DOCK3: variants seen among roughly 807,000 people sequenced by gnomAD.
DOCK3 encodes the protein dedicator of cytokinesis protein 3.
A neutral mutation model predicts 265.6 loss-of-function variants in DOCK3; 60 were observed. The ratio of observed to expected loss-of-function variants is 0.23; its 90% CI spans 0.18 to 0.28. The LOEUF is 0.28. Among genes scored for constraint, DOCK3 ranks in the 10% least tolerant of loss-of-function variants. DOCK3 has a pLI of 1.00. For synonymous variants in DOCK3, 881 were observed against 938.0 expected (o/e 0.94, Z 1.11); for missense variants, 1,981 against 2,594.3 (o/e 0.76, Z 5.14).
At chr3:51,200,756 G>A (rs1267117774) in intron 12 of DOCK3, among the ~76,000 whole-genome samples, 2 of 151,920 alleles carry the variant, frequency 1.3e-5, no homozygotes, top group African/African-American at 4.8e-5. Flanking sequence ...AGGAAAAAAT[G>A]TTAAGGGCAG....
At chr3:51,135,305 A>G (rs1170161482) in intron 9 of DOCK3, among the ~76,000 whole-genome samples, 1 of 152,206 alleles carries the variant, frequency 6.6e-6, no homozygotes, top group Non-Finnish European at 1.5e-5. Context: ...AGACTGTGTC[A>G]TAGTTTGCCT....
chr3:50,826,285 C>T (rs1169845971), intron 2 of DOCK3, among the ~76,000 whole-genome samples: 1 of 151,878 alleles, frequency 6.6e-6, no homozygotes, highest in African/African-American at 2.4e-5. Context: ...CAGTTGTTTA[C>T]CATCTTTTTA....
chr3:50,725,506 T>G (rs1415960350), intron 1 of DOCK3, among the ~76,000 whole-genome samples: 1 of 152,192 alleles, frequency 6.6e-6, no homozygotes, highest in Non-Finnish European at 1.5e-5. Flanking sequence ...ATACAGTGAT[T>G]AAAGTGGCAA....
At chr3:51,097,449 C>T (rs2082902460) in intron 9 of DOCK3, among the ~76,000 whole-genome samples, 2 of 152,260 alleles carry the variant, frequency 1.3e-5, no homozygotes, top group South Asian at 2.1e-4. Context: ...GGTGGCTGGC[C>T]CTCCCCTTAC....
chr3:50,778,816 A>G, intron 2 of DOCK3, 58 bp downstream of exon 2: 3 of 1,211,258 alleles, frequency 2.5e-6, no homozygotes, highest in South Asian at 2.9e-5. Flanking sequence ...TATTATATAC[A>G]TTTATTTTGT....
At chr3:50,685,693 A>G in intron 1 of DOCK3, 1 of 220,538 alleles carries the variant, frequency 4.5e-6, no homozygotes. Flanking sequence ...CCTTATTATC[A>G]AATCCTTTTT....
At chr3:51,069,645 A>AT (rs1281321031) in intron 6 of DOCK3, among the ~76,000 whole-genome samples, 2 of 150,354 alleles carry the variant, frequency 1.3e-5, no homozygotes, top group Non-Finnish European at 1.5e-5. Flanking sequence ...TCCGTCTGTC[A>AT]TTTTTTCTTC....
intron 5 of DOCK3, among the ~76,000 whole-genome samples, chr3:50,972,885 G>A (rs1490334265): frequency 2.6e-5 from 2 of 76,182 alleles, no homozygotes; most frequent in African/African-American, 7.8e-5. Context: ...GGTTGCTTTG[G>A]CTATTTTTTT....
chr3:51,201,697 A>G (rs936146265), intron 12 of DOCK3, among the ~76,000 whole-genome samples: 5 of 152,242 alleles, frequency 3.3e-5, no homozygotes, highest in African/African-American at 9.6e-5. Flanking sequence ...AGAACTCTCC[A>G]CCCCAAATCA....
At chr3:51,035,194 CTT>C (rs1221767893) in intron 5 of DOCK3, among the ~76,000 whole-genome samples, 1 of 152,056 alleles carries the variant, frequency 6.6e-6, no homozygotes, top group Non-Finnish European at 1.5e-5. Flanking sequence ...CTCATTCTCT[CTT>C]TGTCTTTTTC....
At chr3:50,786,949 A>G in intron 2 of DOCK3, 1 of 741,602 alleles carries the variant, frequency 1.3e-6, no homozygotes, top group Non-Finnish European at 2.5e-6. Flanking sequence ...TTTCACATGT[A>G]AATGGCATGT....
At chr3:51,310,408 C>T in intron 28 of DOCK3, 82 bp downstream of exon 28, 1 of 1,276,856 alleles carries the variant, frequency 7.8e-7, no homozygotes, top group Non-Finnish European at 1.1e-6. Context: ...AGAGGGAGCA[C>T]ATGAGCAAGA....
chr3:50,934,756 T>C (rs561841560), intron 5 of DOCK3, among the ~76,000 whole-genome samples: 99 of 151,696 alleles, frequency 6.5e-4, no homozygotes, highest in African/African-American at 2.4e-3. Flanking sequence ...AAAAAAGTAA[T>C]AGTAACCTAA....
intron 2 of DOCK3, among the ~76,000 whole-genome samples, chr3:50,812,975 T>A (rs189058674): frequency 1.3e-5 from 2 of 152,212 alleles, no homozygotes; most frequent in Non-Finnish European, 2.9e-5. Context: ...GAGATTTGTT[T>A]CAATTTTATG....
chr3:51,156,084 G>C (rs1207559273), intron 10 of DOCK3, among the ~76,000 whole-genome samples: 1 of 152,022 alleles, frequency 6.6e-6, no homozygotes, highest in Non-Finnish European at 1.5e-5. Context: ...AATTGAACTT[G>C]ATTATTACTA....
chr3:50,883,195 A>G (rs1194058757), intron 3 of DOCK3, among the ~76,000 whole-genome samples: 1 of 152,170 alleles, frequency 6.6e-6, no homozygotes, highest in Non-Finnish European at 1.5e-5. Flanking sequence ...GCAGCACACC[A>G]ACATGGCACA....
intron 5 of DOCK3, among the ~76,000 whole-genome samples, chr3:51,058,651 T>A (rs2081286837): frequency 6.6e-6 from 1 of 152,196 alleles, no homozygotes; most frequent in Non-Finnish European, 1.5e-5. Flanking sequence ...GAGCAGTTTA[T>A]AAACAACAGA....
chr3:50,938,457 C>T (rs2051514172), intron 5 of DOCK3, among the ~76,000 whole-genome samples: 2 of 152,046 alleles, frequency 1.3e-5, no homozygotes. Flanking sequence ...TTAATAAAAT[C>T]AGGATACAGA....
intron 2 of DOCK3, among the ~76,000 whole-genome samples, chr3:50,830,181 A>T (rs1264194817): frequency 6.6e-6 from 1 of 152,214 alleles, no homozygotes. Flanking sequence ...TGAACTCCAT[A>T]TATTTTTATT....
Sources: gnomAD v4.1 joint callset for allele counts (sites outside exome capture counted in the v4.1 genomes callset) on GRCh38, gnomAD v4.1.1 for gene constraint, MANE v1.5 for transcripts, NCBI Gene and HGNC (gene_info 2026-07-23, HGNC 2026-07-21) for gene names.